KPNA3: variants seen among roughly 807,000 people sequenced by gnomAD.
KPNA3 encodes the protein karyopherin subunit alpha 3, also known as importin subunit alpha-4.
Under a neutral mutation model 73.8 loss-of-function variants are expected in KPNA3, and 13 were observed. The observed-to-expected ratio is 0.18, with a 90% CI of 0.11 to 0.28. The LOEUF is 0.28. Among genes scored for constraint, KPNA3 ranks in the 10% least tolerant of loss-of-function variants. KPNA3 has a pLI of 1.00. For missense variants in KPNA3, 360 were observed against 618.1 expected (o/e 0.58, Z 4.43); for synonymous variants, 186 against 206.9 (o/e 0.90, Z 0.87).
At chr13:49,785,675 A>C (rs1347806513) in intron 1 of KPNA3, among the ~76,000 whole-genome samples, 1 of 152,184 alleles carries the variant, frequency 6.6e-6, no homozygotes, top group Non-Finnish European at 1.5e-5. Flanking sequence ...AAAGGGTAGG[A>C]AGAAGACTTA....
chr13:49,704,422 ATAAATAAATAAAAAATAAATAAAT>A (rs1197429999), intron 15 of KPNA3, among the ~76,000 whole-genome samples: 1 of 117,440 alleles, frequency 8.5e-6, no homozygotes, highest in Admixed American at 9.7e-5. Context: ...CAAAAAAAAA[ATAAATAAATAAAAAATAAATAAAT>A]AAATAAATAA....
Position 49,709,684 on chromosome 13 carries a change from G to A in KPNA3, c.920C>T (p.Ala307Val). 1.9e-6 allele frequency: 3 copies of A among 1,613,772 alleles called. No individual in the cohort carries two copies. Among genetic ancestry groups the A allele is most frequent in the Non-Finnish European group, 1.7e-6 (2 of 1,179,864 alleles). ...GGTGCCAGTCACTATGTTGCCAACT[G>A]CTCTGAGGGCTGCTGTCTAGGGTGG... Reference protein sequence around the residue: ...EVKVQTAALRAVGNIVTGTDE... With the variant: ...EVKVQTAALRVVGNIVTGTDE... Residue 307 changes from alanine (A) to valine (V), a missense_variant, in exon 12 of 17, where the codon GCA (alanine) becomes GTA (valine). Coordinates refer to ENST00000261667, the MANE Select transcript of KPNA3 (RefSeq NM_002267.4).
intron 2 of KPNA3, among the ~76,000 whole-genome samples, chr13:49,740,276 T>G (rs558720040): frequency 1.3e-5 from 2 of 152,082 alleles, no homozygotes; most frequent in Non-Finnish European, 2.9e-5. Flanking sequence ...AACACATGCA[T>G]TACCTTACAT....
chr13:49,778,955 G>A (rs1305014856), intron 1 of KPNA3, among the ~76,000 whole-genome samples: 1 of 152,136 alleles, frequency 6.6e-6, no homozygotes, highest in Non-Finnish European at 1.5e-5. Flanking sequence ...TTAAAAACAA[G>A]TGATTTTTGA....
intron 12 of KPNA3, among the ~76,000 whole-genome samples, chr13:49,707,699 A>T (rs9535303): frequency 0.31 from 32,380 of 103,006 alleles, 3,810 homozygotes; most frequent in South Asian, 0.42. Flanking sequence ...TCATTTAGCT[A>T]AAAAAAAAAA....
At chr13:49,741,424 T>C (rs1355556600) in intron 2 of KPNA3, among the ~76,000 whole-genome samples, 1 of 152,124 alleles carries the variant, frequency 6.6e-6, no homozygotes, top group Non-Finnish European at 1.5e-5. Flanking sequence ...GCCAGTTCTA[T>C]GTTTTGAGAA....
At chr13:49,783,764 A>C (rs759001803) in intron 1 of KPNA3, among the ~76,000 whole-genome samples, 6 of 152,288 alleles carry the variant, frequency 3.9e-5, no homozygotes, top group Admixed American at 3.3e-4. Flanking sequence ...CCCCCAAATA[A>C]CTAAAATTCA....
chr13:49,715,697 G>A (rs1954298158), intron 10 of KPNA3, among the ~76,000 whole-genome samples: 1 of 152,134 alleles, frequency 6.6e-6, no homozygotes, highest in Admixed American at 6.6e-5. Flanking sequence ...CAGATACCAA[G>A]GCAAAATGGC....
chr13:49,718,085 T>G (rs1053344519), intron 10 of KPNA3, among the ~76,000 whole-genome samples: 1 of 152,210 alleles, frequency 6.6e-6, no homozygotes, highest in Non-Finnish European at 1.5e-5. Flanking sequence ...AGTTCTCAGG[T>G]ATGGCTCTCA....
chr13:49,703,161 C>A (rs1405417121), intron 15 of KPNA3, among the ~76,000 whole-genome samples: 1 of 149,820 alleles, frequency 6.7e-6, no homozygotes, highest in African/African-American at 2.5e-5. Flanking sequence ...AGCCACTGCG[C>A]CTGGGCATTT....
At chr13:49,711,579 G>A (rs189616054) in intron 10 of KPNA3, among the ~76,000 whole-genome samples, 13 of 152,330 alleles carry the variant, frequency 8.5e-5, no homozygotes, top group Admixed American at 1.3e-4. Context: ...CCCAACTGAA[G>A]TATAAACCTG....
intron 1 of KPNA3, among the ~76,000 whole-genome samples, chr13:49,768,899 TTC>T (rs1954831327): frequency 6.6e-6 from 1 of 152,170 alleles, no homozygotes; most frequent in South Asian, 2.1e-4. Flanking sequence ...TTTCTTGCTG[TTC>T]TGTTAGCCCA....
intron 1 of KPNA3, among the ~76,000 whole-genome samples, chr13:49,754,400 G>C (rs1011518269): frequency 6.6e-6 from 1 of 152,092 alleles, no homozygotes; most frequent in African/African-American, 2.4e-5. Context: ...TGCTGAAGTA[G>C]AGCAGAAAAG....
chr13:49,774,688 C>A (rs1954882309), intron 1 of KPNA3, among the ~76,000 whole-genome samples: 1 of 152,116 alleles, frequency 6.6e-6, no homozygotes, highest in African/African-American at 2.4e-5. Flanking sequence ...TAGCCATGAC[C>A]ACAAGCATAT....
Position 49,736,477 on chromosome 13 carries a change from AT to A in KPNA3, c.115-3432del, listed in dbSNP as rs1226911619. Among the ~76,000 whole-genome samples, 52 of 152,102 alleles carry A rather than the reference AT, an allele frequency of 3.4e-4. 1 individual carries two copies. The highest frequency in any genetic ancestry group is 5.1e-4 in the Non-Finnish European group (35 of 67,990). On this transcript the variant is annotated intron_variant, in intron 2 of 16. Transcript: ENST00000261667. ...TCTTATCAAATAGCTGCTTTTTTCG[AT>A]ACTAACTTAGACTTTTTTTGGTAAC...
intron 2 of KPNA3, among the ~76,000 whole-genome samples, chr13:49,738,464 G>A (rs1428663194): frequency 6.6e-6 from 1 of 152,118 alleles, no homozygotes; most frequent in Non-Finnish European, 1.5e-5. Flanking sequence ...TCATTATTAC[G>A]TTGAGGCTTC....
Position 49,700,289 on chromosome 13 carries a change from AAATAC to A in KPNA3, c.*1506_*1510del, listed in dbSNP as rs1954135485. 1 of 152,620 alleles carries A rather than the reference AAATAC, an allele frequency of 6.6e-6. No individual in the cohort carries two copies. The highest frequency in any genetic ancestry group is 2.4e-5 in the African/African-American group (1 of 41,446). 9.5% of individuals were successfully genotyped at this position (152,620 alleles called of 1,614,324 possible). On this transcript the variant is annotated 3_prime_UTR_variant, in exon 17 of 17. Transcript: ENST00000261667. ...GCATCTGTCTCATCTTCATCACAGTAAATACACCCCCCAATGGATAACTAAATTAG... is the reference window on the plus strand; with the variant it reads ...GCATCTGTCTCATCTTCATCACAGTAACCCCCCAATGGATAACTAAATTAG...
In KPNA3 at chr13:49,713,438, C is replaced by G. The variant is rs77794632; in HGVS notation, c.772-2416G>C. 9.9e-5 allele frequency among the ~76,000 whole-genome samples: 15 copies of G among 151,918 alleles called. No homozygotes were observed. The East Asian group carries it at 2.7e-3, about 27-fold the overall frequency. On this transcript the variant is annotated intron_variant, in intron 10 of 16. Transcript: ENST00000261667. ...TTATGAATATATATTGAACTTTATA[C>G]CCTGATAATGGCAACTACAACTTGC...
intron 1 of KPNA3, among the ~76,000 whole-genome samples, chr13:49,782,697 G>A (rs894678404): frequency 2.0e-5 from 3 of 151,926 alleles, no homozygotes; most frequent in Non-Finnish European, 4.4e-5. Context: ...TGGACAACAC[G>A]GCGAAACCCT....
Sources: allele counts gnomAD v4.1 joint callset (sites outside exome capture counted in the v4.1 genomes callset), GRCh38; gene constraint gnomAD v4.1.1; transcripts MANE v1.5; gene names NCBI Gene and HGNC (gene_info 2026-07-23, HGNC 2026-07-21).